Variants in ALG14 observed in about 807,000 individuals in gnomAD.
ALG14 encodes ALG14 UDP-N-acetylglucosaminyltransferase subunit, also known as UDP-N-acetylglucosamine transferase subunit ALG14.
In ALG14, 17 loss-of-function variants were observed where a neutral mutation model predicts 22.8. The observed-to-expected ratio is 0.75, with a 90% CI of 0.51 to 1.12. The LOEUF (loss-of-function observed/expected upper bound fraction) is 1.12, where lower values mean the gene tolerates loss of function less well. Among genes scored for constraint, ALG14 ranks in the 50% most tolerant of loss-of-function variants. The pLI is 0.00. For synonymous variants in ALG14, 89 were observed against 103.7 expected, an observed-to-expected ratio of 0.86 and a Z score of 0.86; for missense variants, 288 against 271.8, an observed-to-expected ratio of 1.06 and a Z score of -0.42.
chr1:94,987,831 G>A (rs1412076173), intron 3 of ALG14, among the ~76,000 whole-genome samples: 4 of 152,202 alleles, frequency 2.6e-5, no homozygotes, highest in Admixed American at 6.5e-5. Flanking sequence ...AGGGTGACCC[G>A]AGAGAGCATA....
At chr1:95,013,113 AT>A (rs1470166336) in intron 3 of ALG14, among the ~76,000 whole-genome samples, 12 of 150,624 alleles carry the variant, frequency 8.0e-5, no homozygotes, top group African/African-American at 2.9e-4. Context: ...CACTGTCTCA[AT>A]TAAAAAAAAA....
chr1:95,029,656 A>G (rs962939559), intron 2 of ALG14, among the ~76,000 whole-genome samples: 5 of 152,332 alleles, frequency 3.3e-5, no homozygotes, highest in African/African-American at 1.2e-4. Flanking sequence ...GCATATAACT[A>G]CATTCTTGCA....
In ALG14 at chr1:95,027,155, G is replaced by T. The variant is rs1673844526; in HGVS notation, c.394C>A (p.Leu132Ile). ...AAATCTGGCTTCACCCTGTGAATTA[G>T]GGGAAAGGAGAGCCACATGGAGTGC... ...TLHSMWLSFP[L>I]IHRVKPDLVL... Residue 132 changes from leucine to isoleucine, a missense_variant, in exon 3 of 4, where the codon CTA becomes ATA. Transcript: ENST00000370205. 19 of 1,614,106 alleles carry T rather than the reference G, an allele frequency of 1.2e-5. No homozygotes were observed. Among genetic ancestry groups the T allele is most frequent in the Non-Finnish European group, 1.6e-5 (19 of 1,179,992 alleles).
intron 2 of ALG14, among the ~76,000 whole-genome samples, chr1:95,030,951 C>T (rs1673981023): frequency 6.6e-6 from 1 of 152,132 alleles, no homozygotes; most frequent in Non-Finnish European, 1.5e-5. Context: ...GGCAACAAGA[C>T]CAGTAACTAA....
At chr1:95,051,270 A>G (rs1345754233) in intron 2 of ALG14, among the ~76,000 whole-genome samples, 1 of 152,130 alleles carries the variant, frequency 6.6e-6, no homozygotes, top group Non-Finnish European at 1.5e-5. Flanking sequence ...GCTCAGGCCA[A>G]AAACCTGGGT....
At chr1:94,994,947 G>T (rs534955560) in intron 3 of ALG14, among the ~76,000 whole-genome samples, 1 of 152,308 alleles carries the variant, frequency 6.6e-6, no homozygotes, top group Non-Finnish European at 1.5e-5. Flanking sequence ...ATTTTCACAA[G>T]AAAAGGGAGT....
chr1:95,038,716 G>GGTTTT (rs1674281293), intron 2 of ALG14, among the ~76,000 whole-genome samples: 1 of 121,488 alleles, frequency 8.2e-6, no homozygotes. Context: ...AAACTATAAG[G>GGTTTT]TTTTTTTTTT....
intron 3 of ALG14, among the ~76,000 whole-genome samples, chr1:95,001,303 G>C (rs1369536551): frequency 1.3e-5 from 2 of 152,122 alleles, no homozygotes; most frequent in Non-Finnish European, 2.9e-5. Context: ...ATTCTTTTCA[G>C]CTTGTCGGTT....
intron 3 of ALG14, among the ~76,000 whole-genome samples, chr1:95,023,138 T>C (rs921990086): frequency 2.6e-5 from 4 of 151,490 alleles, no homozygotes; most frequent in African/African-American, 9.7e-5. Flanking sequence ...GTCATCAACT[T>C]TTTTTTTTGA....
intron 1 of ALG14, among the ~76,000 whole-genome samples, chr1:95,066,368 C>T (rs1571683068): frequency 1.3e-5 from 2 of 152,060 alleles, no homozygotes; most frequent in Admixed American, 6.6e-5. Flanking sequence ...CAATTACATG[C>T]GTGTGCCACC....
intron 2 of ALG14, among the ~76,000 whole-genome samples, chr1:95,028,500 T>C (rs963785046): frequency 1.3e-5 from 2 of 152,060 alleles, no homozygotes; most frequent in African/African-American, 4.8e-5. Context: ...TACTCGGCCA[T>C]GCATTAGTAT....
intron 2 of ALG14, among the ~76,000 whole-genome samples, chr1:95,049,127 A>G (rs927482345): frequency 6.6e-6 from 1 of 152,200 alleles, no homozygotes; most frequent in Non-Finnish European, 1.5e-5. Context: ...TTTAGCTTAA[A>G]ATCTGCTGTA....
chr1:95,059,418 A>AC (rs1289038786), intron 2 of ALG14, among the ~76,000 whole-genome samples: 3 of 148,976 alleles, frequency 2.0e-5, no homozygotes, highest in Non-Finnish European at 4.5e-5. Flanking sequence ...AAAAAAAAAA[A>AC]AACATATTAT....
At chr1:95,066,761 C>A (rs1005228907) in intron 1 of ALG14, among the ~76,000 whole-genome samples, 1 of 151,780 alleles carries the variant, frequency 6.6e-6, no homozygotes, top group Non-Finnish European at 1.5e-5. Flanking sequence ...AGGCCAGGTG[C>A]GGTGGCTCAT....
chr1:94,993,820 C>A (rs1672840258), intron 3 of ALG14, among the ~76,000 whole-genome samples: 1 of 152,164 alleles, frequency 6.6e-6, no homozygotes, highest in African/African-American at 2.4e-5. Context: ...ACATCAGGCT[C>A]CAAAATCCCC....
intron 3 of ALG14, among the ~76,000 whole-genome samples, chr1:94,992,169 GTTAT>G (rs1672791773): frequency 2.0e-5 from 3 of 151,946 alleles, no homozygotes; most frequent in African/African-American, 7.3e-5. Context: ...CAGTAATATA[GTTAT>G]TTATTATCAA....
At position 94,993,161 on chromosome 1, in the gene ALG14, T is replaced by A. The variant is rs181149677; in HGVS notation, c.421-9855A>T. On this transcript the variant is annotated intron_variant, in intron 3 of 3. Coordinates refer to ENST00000370205, the MANE Select transcript of ALG14 (RefSeq NM_144988.4). ...ACTTTGGTCTCTTTGTCTTCCAGTCTTATATATCACTTGGAGTAGACTGGG... is the reference window on the plus strand; with the variant it reads ...ACTTTGGTCTCTTTGTCTTCCAGTCATATATATCACTTGGAGTAGACTGGG... Among the ~76,000 whole-genome samples the A allele has an allele frequency of 3.1e-3, 468 of 148,964 alleles. 1 individual carries two copies. Among genetic ancestry groups the A allele is most frequent in the African/African-American group, 0.011 (449 of 40,276 alleles).
Position 94,977,174 on chromosome 1 carries a change from CACTG to C in ALG14, c.*5898_*5901del, listed in dbSNP as rs1205213719. 33 of 152,186 alleles carry C rather than the reference CACTG, an allele frequency of 2.2e-4. No individual in the cohort carries two copies. Among genetic ancestry groups the C allele is most frequent in the African/African-American group, 7.5e-4 (31 of 41,440 alleles). The allele number at this position is 152,186 out of a possible 1,614,324, so 9.4% of individuals were successfully genotyped here. ...ACAGCGATAAAACTAATACACAGAT[CACTG>C]ACTGACTAAAGAGGAGATAGGCCGG... is the stretch of plus-strand genomic sequence containing the variant. On this transcript the variant is annotated 3_prime_UTR_variant, in exon 4 of 4. Coordinates refer to ENST00000370205, the MANE Select transcript of ALG14 (RefSeq NM_144988.4).
rs909764079 is a variant in ALG14 at position 94,978,700 on chromosome 1, A to T, written c.*4376T>A. 2.0e-5 allele frequency: 3 copies of T among 152,178 alleles called. No individual in the cohort carries two copies. Among genetic ancestry groups the T allele is most frequent in the African/African-American group, 7.2e-5 (3 of 41,440 alleles). The allele number at this position is 152,178 out of a possible 1,614,324, so 9.4% of individuals were successfully genotyped here. On this transcript the variant is annotated 3_prime_UTR_variant, in exon 4 of 4. Coordinates refer to ENST00000370205, the MANE Select transcript of ALG14 (RefSeq NM_144988.4). ...AAGGAGGACAAATATTTAAGGCATTATCCTTTGGAACTCAGGTAAAATACC... is the reference window on the plus strand; with the variant it reads ...AAGGAGGACAAATATTTAAGGCATTTTCCTTTGGAACTCAGGTAAAATACC...
Sources: gnomAD v4.1 joint callset for allele counts (sites outside exome capture counted in the v4.1 genomes callset) on GRCh38, gnomAD v4.1.1 for gene constraint, MANE v1.5 for transcripts, NCBI Gene and HGNC (gene_info 2026-07-23, HGNC 2026-07-21) for gene names.